SCHIP1: variants seen among roughly 807,000 people sequenced by gnomAD.
The protein encoded by SCHIP1 is schwannomin interacting protein 1, also known as schwannomin-interacting protein 1.
In SCHIP1, 8 loss-of-function variants were observed where a neutral mutation model predicts 29.7. The ratio of observed to expected loss-of-function variants is 0.27; its 90% CI spans 0.16 to 0.49. The LOEUF (loss-of-function observed/expected upper bound fraction) is 0.49. SCHIP1 is among the 20% of genes least tolerant of loss of function. SCHIP1 has a pLI of 0.99. For missense variants in SCHIP1, 193 were observed against 294.6 expected, an observed-to-expected ratio of 0.66 and a Z score of 2.52; for synonymous variants, 76 against 94.9, an observed-to-expected ratio of 0.80 and a Z score of 1.16.
chr3:159,895,281 A>C (rs917392054), intron 6 of SCHIP1, among the ~76,000 whole-genome samples: 2 of 152,172 alleles, frequency 1.3e-5, no homozygotes, highest in Admixed American at 6.5e-5. Context: ...GAGTGTAGCA[A>C]GGACACTGTT....
At chr3:159,336,844 G>A in the SCHIP1 span, among the ~76,000 whole-genome samples, 27 of 152,138 alleles carry the variant, frequency 1.8e-4, no homozygotes, top group South Asian at 5.6e-3. Flanking sequence ...TTGATTCCAT[G>A]TGAACTTTAA....
the SCHIP1 span, among the ~76,000 whole-genome samples, chr3:159,425,731 G>C: frequency 6.6e-6 from 1 of 152,164 alleles, no homozygotes; most frequent in Non-Finnish European, 1.5e-5. Flanking sequence ...CATATCAATA[G>C]AATATACATT....
At chr3:159,349,338 C>T in the SCHIP1 span, among the ~76,000 whole-genome samples, 2 of 152,174 alleles carry the variant, frequency 1.3e-5, no homozygotes, top group Admixed American at 1.3e-4. Context: ...ATTTAATAAG[C>T]TAACTCTTTA....
At chr3:159,658,423 A>G in the SCHIP1 span, among the ~76,000 whole-genome samples, 1 of 152,194 alleles carries the variant, frequency 6.6e-6, no homozygotes, top group Non-Finnish European at 1.5e-5. Flanking sequence ...TTTTTTACAT[A>G]CTGTTCAGGT....
At chr3:159,518,004 G>A in the SCHIP1 span, among the ~76,000 whole-genome samples, 1 of 151,878 alleles carries the variant, frequency 6.6e-6, no homozygotes, top group African/African-American at 2.4e-5. Flanking sequence ...CCATCACTAT[G>A]GAAATGGCAA....
the SCHIP1 span, chr3:159,765,229 C>A: frequency 1.4e-6 from 2 of 1,380,518 alleles, no homozygotes; most frequent in Non-Finnish European, 1.9e-6. Context: ...CTCCCGCCCG[C>A]CCGCGGCCCC....
At chr3:159,292,270 T>C in the SCHIP1 span, among the ~76,000 whole-genome samples, 49,910 of 151,726 alleles carry the variant, frequency 0.33, 9,078 homozygotes, top group Non-Finnish European at 0.42. Flanking sequence ...TATAAGAAAA[T>C]CTTAATAATA....
chr3:159,527,192 A>G, the SCHIP1 span, among the ~76,000 whole-genome samples: 1 of 152,204 alleles, frequency 6.6e-6, no homozygotes, highest in East Asian at 1.9e-4. Context: ...CATGTAAGAC[A>G]AATGATCAAC....
chr3:159,488,497 A>T, the SCHIP1 span, among the ~76,000 whole-genome samples: 1 of 152,110 alleles, frequency 6.6e-6, no homozygotes, highest in Non-Finnish European at 1.5e-5. Flanking sequence ...TTAAAAAAAG[A>T]AATATTGGCT....
At chr3:159,786,364 A>G in the SCHIP1 span, among the ~76,000 whole-genome samples, 2 of 152,208 alleles carry the variant, frequency 1.3e-5, no homozygotes, top group African/African-American at 2.4e-5. Flanking sequence ...CAACATTGCT[A>G]TCTTCAAAGT....
the SCHIP1 span, among the ~76,000 whole-genome samples, chr3:159,408,914 C>A: frequency 6.6e-6 from 1 of 152,106 alleles, no homozygotes; most frequent in African/African-American, 2.4e-5. Flanking sequence ...CCAAATTCAA[C>A]AATACATTAG....
intron 2 of SCHIP1, among the ~76,000 whole-genome samples, chr3:159,870,823 G>A (rs142920491): frequency 2.4e-4 from 36 of 151,958 alleles, no homozygotes; most frequent in Non-Finnish European, 4.6e-4. Context: ...AAATGGATTG[G>A]GAAGTATTCT....
At chr3:159,588,080 C>T in the SCHIP1 span, among the ~76,000 whole-genome samples, 1 of 152,182 alleles carries the variant, frequency 6.6e-6, no homozygotes, top group Non-Finnish European at 1.5e-5. Flanking sequence ...TTTACAGTAC[C>T]ACCAACAGTG....
At chr3:159,711,878 C>T in the SCHIP1 span, among the ~76,000 whole-genome samples, 6 of 152,140 alleles carry the variant, frequency 3.9e-5, no homozygotes, top group South Asian at 2.1e-4. Context: ...GTCAGAGGAC[C>T]GGAAATCAGT....
the SCHIP1 span, among the ~76,000 whole-genome samples, chr3:159,792,330 T>A: frequency 6.6e-6 from 1 of 152,238 alleles, no homozygotes; most frequent in African/African-American, 2.4e-5. Flanking sequence ...ATTCCAGTTC[T>A]ACCGCCTAAG....
the SCHIP1 span, among the ~76,000 whole-genome samples, chr3:159,766,724 T>C: frequency 1.3e-5 from 2 of 152,190 alleles, no homozygotes; most frequent in African/African-American, 2.4e-5. Flanking sequence ...GTATGTGCTG[T>C]GTGCCAGGGA....
chr3:159,403,920 G>C, the SCHIP1 span, among the ~76,000 whole-genome samples: 1 of 152,080 alleles, frequency 6.6e-6, no homozygotes, highest in African/African-American at 2.4e-5. Context: ...ACTTTGTTTT[G>C]CTATTTGGCT....
At chr3:159,676,765 T>G in the SCHIP1 span, among the ~76,000 whole-genome samples, 2 of 152,098 alleles carry the variant, frequency 1.3e-5, no homozygotes, top group Non-Finnish European at 2.9e-5. Context: ...GGCTGTATGC[T>G]CCAAGCTCCG....
chr3:159,856,290 G>A (rs1713352027), intron 1 of SCHIP1, among the ~76,000 whole-genome samples: 1 of 152,128 alleles, frequency 6.6e-6, no homozygotes, highest in Non-Finnish European at 1.5e-5. Context: ...TTCCCTCCAG[G>A]AGCTGACCGT....
Sources: allele counts gnomAD v4.1 joint callset (sites outside exome capture counted in the v4.1 genomes callset), GRCh38; gene constraint gnomAD v4.1.1; transcripts MANE v1.5; gene names NCBI Gene and HGNC (gene_info 2026-07-23, HGNC 2026-07-21).